The following CHRNA7 variants were observed in gnomAD, a reference collection of about 807,000 sequenced individuals.
CHRNA7 encodes the protein neuronal acetylcholine receptor subunit alpha-7.
CHRNA7 carries 17 observed loss-of-function variants against 48.0 expected under a neutral mutation model. The ratio of observed to expected loss-of-function variants is 0.35; its 90% CI spans 0.24 to 0.53. The LOEUF is 0.53. CHRNA7 is among the 20% of genes least tolerant of loss of function. The pLI, the probability that CHRNA7 is intolerant of heterozygous loss-of-function variation, is 0.92. For missense variants in CHRNA7, 155 were observed against 577.7 expected, an observed-to-expected ratio of 0.27 and a Z score of 7.50; for synonymous variants, 75 against 242.3, an observed-to-expected ratio of 0.31 and a Z score of 6.41.
chr15:32,085,536 T>TA (rs2050282360), intron 2 of CHRNA7, among the ~76,000 whole-genome samples: 1 of 152,246 alleles, frequency 6.6e-6, no homozygotes, highest in African/African-American at 2.4e-5. Flanking sequence ...GAAACTAGAA[T>TA]AAATGCTTAG....
chr15:32,075,246 T>C lies in CHRNA7; in HGVS notation c.196-26057T>C, dbSNP rs151145503. On this transcript the variant is annotated intron_variant, in intron 2 of 9. Coordinates refer to ENST00000306901, the MANE Select transcript of CHRNA7 (RefSeq NM_000746.6). The stretch of plus-strand genomic sequence containing the variant: ...AATAAATGAATTGAGAAGTGTTTCC[T>C]CTTTCAAATTGTGGAAGCAATGGTG... 2.2e-4 allele frequency among the ~76,000 whole-genome samples: 34 copies of C among 152,318 alleles called. No individual in the cohort carries two copies. In the East Asian group the frequency reaches 6.4e-3, roughly 28 times the overall value.
chr15:32,145,218 C>T (rs1476314192), intron 4 of CHRNA7, among the ~76,000 whole-genome samples: 1 of 152,158 alleles, frequency 6.6e-6, no homozygotes, highest in Non-Finnish European at 1.5e-5. Flanking sequence ...CACTCCAGAC[C>T]CTGTTTGCCT....
intron 3 of CHRNA7, chr15:32,102,141 T>TGTTC (rs1442472361): frequency 2.6e-5 from 4 of 152,164 alleles, no homozygotes; most frequent in African/African-American, 9.7e-5. Flanking sequence ...TTTGTTTGTT[T>TGTTC]GTTCGTTTGT....
At chr15:32,062,016 C>T (rs2049887319) in intron 2 of CHRNA7, among the ~76,000 whole-genome samples, 1 of 152,092 alleles carries the variant, frequency 6.6e-6, no homozygotes, top group Non-Finnish European at 1.5e-5. Flanking sequence ...AACTCTTGCC[C>T]ATAGTTTAAA....
intron 2 of CHRNA7, among the ~76,000 whole-genome samples, chr15:32,061,701 G>T (rs1372804871): frequency 1.3e-5 from 2 of 152,084 alleles, no homozygotes; most frequent in African/African-American, 4.8e-5. Flanking sequence ...CCAGCTACTG[G>T]GGATGCTGAG....
chr15:32,134,744 A>T (rs2051218525), intron 4 of CHRNA7, among the ~76,000 whole-genome samples: 1 of 152,260 alleles, frequency 6.6e-6, no homozygotes, highest in African/African-American at 2.4e-5. Flanking sequence ...GTAAGAATTA[A>T]AAACACAAAT....
rs568397106 is a variant in CHRNA7, at chr15:32,066,758, A to G, written c.196-34545A>G. Among the ~76,000 whole-genome samples, 4 of 152,332 alleles carry G rather than the reference A, an allele frequency of 2.6e-5. No homozygotes were observed. The South Asian group carries it at 8.3e-4, about 32-fold the overall frequency. On this transcript the variant is annotated intron_variant, in intron 2 of 9. Transcript: ENST00000306901. ...AAACACTTTAAACCAGTTATTTTAT[A>G]TATGTTCAATGCAGTAAACACTGTC...
chr15:32,062,150 T>G (rs1314882373), intron 2 of CHRNA7, among the ~76,000 whole-genome samples: 1 of 152,192 alleles, frequency 6.6e-6, no homozygotes, highest in Non-Finnish European at 1.5e-5. Context: ...ATAAAATGCT[T>G]ATATTACCAC....
chr15:32,091,951 TAG>T (rs1350247154), intron 2 of CHRNA7, among the ~76,000 whole-genome samples: 3 of 36,174 alleles, frequency 8.3e-5, no homozygotes, highest in African/African-American at 2.6e-4. Flanking sequence ...ATTAACATTA[TAG>T]AGTCTCCTGT....
At chr15:32,138,173 C>T (rs558286994) in intron 4 of CHRNA7, among the ~76,000 whole-genome samples, 18 of 151,978 alleles carry the variant, frequency 1.2e-4, no homozygotes, top group South Asian at 6.3e-4. Context: ...ATCAACATAC[C>T]TCAGGAAATA....
At chr15:32,082,638 A>G (rs562598441) in intron 2 of CHRNA7, among the ~76,000 whole-genome samples, 3 of 152,288 alleles carry the variant, frequency 2.0e-5, no homozygotes, top group South Asian at 4.1e-4. Flanking sequence ...TTTCCACTGT[A>G]TATCTTATTT....
chr15:32,112,056 G>A (rs1022530098), intron 4 of CHRNA7, among the ~76,000 whole-genome samples, 157 bp downstream of exon 4: 7 of 152,244 alleles, frequency 4.6e-5, no homozygotes, highest in African/African-American at 1.7e-4. Flanking sequence ...CCTTTGAGAA[G>A]CAGCTCTGTC....
chr15:32,111,942 A>G (rs779387500), intron 4 of CHRNA7, 43 bp downstream of exon 4: 2 of 1,099,284 alleles, frequency 1.8e-6, no homozygotes, highest in East Asian at 2.3e-5. Flanking sequence ...TTATGCTTGC[A>G]TACATGTAGC....
chr15:32,052,112 A>G (rs1480052875), intron 2 of CHRNA7, among the ~76,000 whole-genome samples: 1 of 152,036 alleles, frequency 6.6e-6, no homozygotes, highest in East Asian at 1.9e-4. Flanking sequence ...AAATCTTGGT[A>G]TTCTCTCAGG....
chr15:32,030,698 A>ACATCCCGGGCG (rs1901774551), intron 1 of CHRNA7, 49 bp downstream of exon 1: 13 of 1,547,694 alleles, frequency 8.4e-6, no homozygotes, highest in Non-Finnish European at 1.1e-5. Flanking sequence ...GATCCCGGGC[A>ACATCCCGGGCG]CATCCCGGGC....
chr15:32,146,991 G>C (rs1035512227), intron 4 of CHRNA7, among the ~76,000 whole-genome samples: 30 of 152,176 alleles, frequency 2.0e-4, no homozygotes, highest in Non-Finnish European at 3.7e-4. Context: ...TGTTTTGCTG[G>C]GTCAGGGATA....
chr15:32,118,884 G>T (rs62003626), intron 4 of CHRNA7, among the ~76,000 whole-genome samples: 2,141 of 151,938 alleles, frequency 0.014, 34 homozygotes, highest in Non-Finnish European at 0.021. Context: ...CTAGAGGGCT[G>T]CAAAGGAACA....
chr15:32,036,555 G>T (rs1902098010), intron 2 of CHRNA7, among the ~76,000 whole-genome samples: 1 of 152,192 alleles, frequency 6.6e-6, no homozygotes, highest in Non-Finnish European at 1.5e-5. Flanking sequence ...CACCAGCAAT[G>T]AATGAGAGCC....
chr15:32,169,023 T>C lies in CHRNA7; in HGVS notation c.*565T>C, dbSNP rs1166963597. On this transcript the variant is annotated 3_prime_UTR_variant, in exon 10 of 10. Coordinates refer to ENST00000306901, the MANE Select transcript of CHRNA7 (RefSeq NM_000746.6). The stretch of plus-strand genomic sequence containing the variant: ...GGTAGAGAGAAACAGCTTGATGCTG[T>C]TTCTACATTAAAAAAAAAAAAAAAA... The C allele has an allele frequency of 5.7e-5, 6 of 106,048 alleles. No individual in the cohort carries two copies. The South Asian group carries it at 1.7e-3, about 30-fold the overall frequency. The allele number at this position is 106,048 out of a possible 1,614,324, so 6.6% of individuals were successfully genotyped here. A position where few individuals can be genotyped will look rare whatever the true frequency, so the allele number is the denominator to read the frequency against.
Sources: allele counts gnomAD v4.1 joint callset (sites outside exome capture counted in the v4.1 genomes callset), GRCh38; gene constraint gnomAD v4.1.1; transcripts MANE v1.5; gene names NCBI Gene and HGNC (gene_info 2026-07-23, HGNC 2026-07-21).